The following TRAFD1 variants were observed in gnomAD, a reference collection of about 807,000 sequenced individuals.
TRAFD1 encodes the protein TRAF-type zinc finger domain-containing protein 1.
In TRAFD1, 38 loss-of-function variants were observed where a neutral mutation model predicts 65.3. The observed-to-expected ratio is 0.58, with a 90% confidence interval of 0.45 to 0.76. TRAFD1 has a LOEUF of 0.76. Ranked by LOEUF, TRAFD1 falls within the 30% of genes least tolerant of loss-of-function variation. The pLI is 0.00. For missense variants in TRAFD1, 631 were observed against 712.6 expected (o/e 0.89, Z 1.30); for synonymous variants, 223 against 257.2 (o/e 0.87, Z 1.27).
At chr12:112,140,772 CCT>C (rs1331715451) in intron 4 of TRAFD1, 45 bp from the exon 5 acceptor site, 1 of 1,597,574 alleles carries the variant, frequency 6.3e-7, no homozygotes, top group East Asian at 2.2e-5. Flanking sequence ...CTAAAACACA[CCT>C]CTCCTAGATA....
rs373083972 is a variant in TRAFD1, at chr12:112,152,373, T to C, written c.1620-54T>C. ...CTGCTTCCTGTTCCCTCTGAGTTTG[T>C]TGACCTTTGCTCAGGGACACTTCAG... On this transcript the variant is annotated intron_variant, in intron 10 of 11. Coordinates refer to ENST00000412615, the MANE Select transcript of TRAFD1 (RefSeq NM_006700.3). The surrounding 1 kb of genome is among the most constrained non-coding windows in gnomAD (Gnocchi z 5.0). The C allele has an allele frequency of 8.1e-6, 13 of 1,601,564 alleles. No individual in the cohort carries two copies. The African/African-American group carries it at 1.6e-4, about 20-fold the overall frequency.
At chr12:112,149,322 C>T (rs1006976319) in intron 8 of TRAFD1, 1 of 157,164 alleles carries the variant, frequency 6.4e-6, no homozygotes, top group African/African-American at 2.4e-5. Flanking sequence ...AGCAACGACA[C>T]AAATAAATAC....
intron 7 of TRAFD1, among the ~76,000 whole-genome samples, chr12:112,146,225 C>CAAAAAAAAAAAAAAAAAA (rs766339761): frequency 1.5e-5 from 1 of 66,816 alleles, no homozygotes; most frequent in Non-Finnish European, 3.1e-5. Context: ...GAAATAACAG[C>CAAAAAAAAAAAAAAAAAA]AAAAAAAAAA....
chr12:112,141,285 C>G (rs952094044), intron 5 of TRAFD1, 61 bp downstream of exon 5: 68 of 1,572,270 alleles, frequency 4.3e-5, no homozygotes, highest in Non-Finnish European at 5.9e-5. Flanking sequence ...CAAATGGGAA[C>G]AGGGCTTTGG....
intron 8 of TRAFD1, 197 bp from the exon 9 acceptor site, chr12:112,149,554 G>C: frequency 1.7e-6 from 1 of 576,558 alleles, no homozygotes; most frequent in South Asian, 2.4e-5. Context: ...ATCAGAAAGT[G>C]TTTCTGTCAG....
At chr12:112,144,024 C>G (rs567857904) in intron 6 of TRAFD1, among the ~76,000 whole-genome samples, 15 of 152,124 alleles carry the variant, frequency 9.9e-5, no homozygotes, top group Non-Finnish European at 2.1e-4. Context: ...CCACTGCGCC[C>G]AGCATAGTTC....
rs2030429373 is a variant in TRAFD1 at position 112,152,196 on chromosome 12, A to C, written c.1619+56A>C. 2 of 1,556,990 alleles carry C rather than the reference A, an allele frequency of 1.3e-6. No individual in the cohort carries two copies. The highest frequency in any genetic ancestry group is 1.7e-6 in the Non-Finnish European group (2 of 1,151,096). ...GGGAGTAGCTGAAGCGAACATGGGC[A>C]AAGGCCTGGTTACCCTTGCCAGGCC... is the stretch of plus-strand genomic sequence containing the variant. On this transcript the variant is annotated intron_variant, in intron 10 of 11. Coordinates refer to ENST00000412615, the MANE Select transcript of TRAFD1 (RefSeq NM_006700.3). The surrounding 1 kb of genome is among the most constrained non-coding windows in gnomAD (Gnocchi z 5.0).
chr12:112,147,973 AT>A (rs2030299434), intron 7 of TRAFD1, 100 bp from the exon 8 acceptor site: 43 of 1,152,918 alleles, frequency 3.7e-5, no homozygotes, highest in Non-Finnish European at 5.2e-5. Context: ...CCGGCCAAGC[AT>A]TGTTAAAATT....
chr12:112,141,961 T>C, intron 5 of TRAFD1, 128 bp from the exon 6 acceptor site: 1 of 1,013,674 alleles, frequency 9.9e-7, no homozygotes, highest in Non-Finnish European at 1.4e-6. Context: ...AGAGAGCTAG[T>C]TGAACATGGT....
Position 112,137,966 on chromosome 12 carries a change from C to T in TRAFD1, c.238-2853C>T, listed in dbSNP as rs2029968024. On this transcript the variant is annotated intron_variant, in intron 4 of 11. Coordinates refer to ENST00000412615, the MANE Select transcript of TRAFD1 (RefSeq NM_006700.3). The surrounding 1 kb of genome is among the most constrained non-coding windows in gnomAD (Gnocchi z 4.2). Reference sequence around the variant, plus strand: ...ACCCTTAAAGGTAATTCACAGCGGGCTACAGTGACTCATGCCTGTATCCTA... The same window carrying T: ...ACCCTTAAAGGTAATTCACAGCGGGTTACAGTGACTCATGCCTGTATCCTA... 6.6e-6 allele frequency among the ~76,000 whole-genome samples: 1 copy of T among 152,036 alleles called. No homozygotes were observed. Among genetic ancestry groups the T allele is most frequent in the Admixed American group, 6.6e-5 (1 of 15,254 alleles).
At chr12:112,147,502 C>T (rs2030283743) in intron 7 of TRAFD1, among the ~76,000 whole-genome samples, 1 of 151,852 alleles carries the variant, frequency 6.6e-6, no homozygotes, top group Admixed American at 6.6e-5. Flanking sequence ...AATATTTGTG[C>T]CTCTCTTTTA....
intron 4 of TRAFD1, among the ~76,000 whole-genome samples, chr12:112,135,838 T>TC (rs2136971941): frequency 6.6e-6 from 1 of 151,610 alleles, no homozygotes; most frequent in East Asian, 1.9e-4. Flanking sequence ...TTTTTTTTTT[T>TC]TTTTTTAAAT....
Position 112,130,719 on chromosome 12 carries a change from GA to G in TRAFD1, c.47+153del. 1.8e-6 allele frequency: 1 copy of G among 542,446 alleles called. No homozygotes were observed. Among genetic ancestry groups the G allele is most frequent in the South Asian group, 3.1e-5 (1 of 32,414 alleles). The allele number at this position is 542,446 out of a possible 1,614,324, so 33.6% of individuals were successfully genotyped here. ...TGTTTATAACCCACATGAATTACAA[GA>G]AAGAGCATCTCTTTCCTGATGAAAT... is the stretch of plus-strand genomic sequence containing the variant. On this transcript the variant is annotated intron_variant, in intron 2 of 11. Transcript: ENST00000412615. The surrounding 1 kb of genome is among the most constrained non-coding windows in gnomAD (Gnocchi z 4.4).
chr12:112,149,886 G>T lies in TRAFD1; in HGVS notation c.1279+15G>T. 1 of 1,613,808 alleles carries T rather than the reference G, an allele frequency of 6.2e-7. No homozygotes were observed. The highest frequency in any genetic ancestry group is 1.7e-5 in the Admixed American group (1 of 60,006). On this transcript the variant is annotated intron_variant, in intron 9 of 11. Transcript: ENST00000412615. The stretch of plus-strand genomic sequence containing the variant: ...CAGACACCAGGGTATTTATTAGCCA[G>T]GACTCAGCCAAGGCCGCAGGTCTAC...
At chr12:112,148,018 T>C in intron 7 of TRAFD1, 56 bp from the exon 8 acceptor site, 1 of 1,434,512 alleles carries the variant, frequency 7.0e-7, no homozygotes, top group Non-Finnish European at 9.6e-7. Context: ...TTTAGGAATG[T>C]AGTTTTTTTC....
intron 9 of TRAFD1, 28 bp downstream of exon 9, chr12:112,149,899 G>T: frequency 6.2e-7 from 1 of 1,613,090 alleles, no homozygotes; most frequent in Non-Finnish European, 8.5e-7. Flanking sequence ...CTCAGCCAAG[G>T]CCGCAGGTCT....
Position 112,151,825 on chromosome 12 carries a change from A to G in TRAFD1, c.1304A>G (p.Asp435Gly), listed in dbSNP as rs147745928. The change falls in exon 10 of 12, where the codon GAT becomes GGT. Residue 435 changes from aspartate to glycine, a missense_variant. By Grantham distance (94) the Asp-to-Gly change is moderately conservative (BLOSUM62 -1). Transcript: ENST00000412615. ...HQGDLSSGYLDDTKQETANGP... is the reference protein window; with the variant it reads ...HQGDLSSGYLGDTKQETANGP... ...GGAGACCTGTCTTCTGGTTACCTGG[A>G]TGATACTAAGCAGGAAACAGCTAAT... is the stretch of plus-strand genomic sequence containing the variant. The G allele has an allele frequency of 1.3e-4, 211 of 1,613,704 alleles. No homozygotes were observed. The highest frequency in any genetic ancestry group is 1.7e-4 in the Non-Finnish European group (201 of 1,179,818).
rs374036475 is a variant in TRAFD1, at chr12:112,134,947, A to G, written c.184-66A>G. 390 of 1,613,806 alleles carry G rather than the reference A, an allele frequency of 2.4e-4. 5 individuals carry two copies. In the South Asian group the frequency reaches 3.9e-3, roughly 16 times the overall value. Reference sequence around the variant, plus strand: ...TGTTCGTAAATGTATTCTGTTTGCTATTGTGCAATAGCAAATGAGCATATT... The same window carrying G: ...TGTTCGTAAATGTATTCTGTTTGCTGTTGTGCAATAGCAAATGAGCATATT... On this transcript the variant is annotated intron_variant, in intron 3 of 11. Coordinates refer to ENST00000412615, the MANE Select transcript of TRAFD1 (RefSeq NM_006700.3).
intron 4 of TRAFD1, chr12:112,140,168 C>T (rs972115180): frequency 6.2e-6 from 2 of 322,280 alleles, no homozygotes; most frequent in Non-Finnish European, 6.1e-6. Context: ...AGCCTGTAAT[C>T]CCAGCACTTT....
Sources: allele counts gnomAD v4.1 joint callset (sites outside exome capture counted in the v4.1 genomes callset), GRCh38; gene constraint gnomAD v4.1.1; non-coding constraint Gnocchi (gnomAD v3.1); transcripts MANE v1.5; gene names NCBI Gene and HGNC (gene_info 2026-07-23, HGNC 2026-07-21).